Variants in ZBED1 observed in about 807,000 individuals in gnomAD.
The protein encoded by ZBED1 is E3 SUMO-protein ligase ZBED1.
In ZBED1, 19 loss-of-function variants were observed where a neutral mutation model predicts 49.7. The observed-to-expected ratio is 0.38, with a 90% CI of 0.27 to 0.56. The LOEUF is 0.56. ZBED1 is among the 20% of genes least tolerant of loss of function. ZBED1 has a pLI of 0.70. For synonymous variants in ZBED1, 439 were observed against 440.3 expected, an observed-to-expected ratio of 1.00 and a Z score of 0.04; for missense variants, 806 against 972.6, an observed-to-expected ratio of 0.83 and a Z score of 2.28.
chrX:2,500,301 C>A (rs748325705), intron 1 of ZBED1: 1 of 186,542 alleles, frequency 5.4e-6, no homozygotes, highest in East Asian at 1.3e-4. Context: ...AAGGGCCCAT[C>A]CTCACTTACC....
chrX:2,490,800 T>C, intron 1 of ZBED1, 28 bp from the exon 2 acceptor site: 1 of 1,541,912 alleles, frequency 6.5e-7, no homozygotes, highest in Non-Finnish European at 8.7e-7. Flanking sequence ...AAACACAGCA[T>C]GAGAAGGGAC....
chrX:2,488,667 A>G lies in ZBED1; in HGVS notation c.2053T>C (p.Phe685Leu). The G allele has an allele frequency of 1.2e-6, 2 of 1,610,830 alleles. No homozygotes were observed. The highest frequency in any genetic ancestry group is 1.1e-5 in the South Asian group (1 of 90,878). ...FSLGDGVSGG[F>L]FGIRDSSFL ...AAGCTGCTGTCCCTAATGCCAAAGAAACCGCCGCTGACGCCATCCCCCAAG... is the reference window on the plus strand; with the variant it reads ...AAGCTGCTGTCCCTAATGCCAAAGAGACCGCCGCTGACGCCATCCCCCAAG... The change falls in exon 2 of 2, where the codon TTC becomes CTC. Residue 685 changes from phenylalanine (F) to leucine (L), a missense_variant. Around this residue, in one of 2 missense-constraint regions of ZBED1, gnomAD observed 749 missense variants for 861.3 expected, o/e 0.87. Coordinates refer to ENST00000652001, the MANE Select transcript of ZBED1 (RefSeq NM_001171136.2).
At chrX:2,500,725 A>C in intron 1 of ZBED1, 92 bp downstream of exon 1, 1 of 360,602 alleles carries the variant, frequency 2.8e-6, no homozygotes, top group Non-Finnish European at 3.5e-6. Flanking sequence ...CCGCCTCGCC[A>C]AGGTCACGCG....
chrX:2,490,054 G>A lies in ZBED1; in HGVS notation c.666C>T (p.Ala222=), dbSNP rs1172052032. 1 of 1,613,804 alleles carries A rather than the reference G, an allele frequency of 6.2e-7. No individual in the cohort carries two copies. The highest frequency in any genetic ancestry group is 1.1e-5 in the South Asian group (1 of 91,070). ...GGGAGCCCATGGACAGGCAGTTGGG[G>A]GCGCCCAGGCCCAGGAAGTGGGCGG... is the stretch of plus-strand genomic sequence containing the variant. The part of the protein sequence containing the change: ...TLAAHFLGLG[A]PNCLSMGSRC... Residue 222 remains alanine (A), a synonymous_variant, in exon 2 of 2, where the codon GCC becomes GCT. Transcript: ENST00000652001.
At position 2,488,730 on chromosome X, in the gene ZBED1, C is replaced by T. The variant is rs753735373; in HGVS notation, c.1990G>A (p.Glu664Lys). ...TCCTGGTCCAGGCCCCACTCCCCCTCGTCCTGGTCCTCGGGTTCCGCCTCT... is the reference window on the plus strand; with the variant it reads ...TCCTGGTCCAGGCCCCACTCCCCCTTGTCCTGGTCCTCGGGTTCCGCCTCT... ...GAEAEPEDQD[E>K]GEWGLDQEQV... is the part of the protein sequence containing the mutation. Residue 664 changes from glutamate (E) to lysine (K), a missense_variant, in exon 2 of 2, where the codon GAG (glutamate) becomes AAG (lysine). Physicochemically the swap from Glu to Lys is moderately conservative, Grantham distance 56. This residue lies in a region of ZBED1 where 749 missense variants were observed against 861.3 expected (regional missense o/e 0.87). Coordinates refer to ENST00000652001, the MANE Select transcript of ZBED1 (RefSeq NM_001171136.2). 11 of 1,613,844 alleles carry T rather than the reference C, an allele frequency of 6.8e-6. No individual in the cohort carries two copies. Among genetic ancestry groups the T allele is most frequent in the East Asian group, 6.7e-5 (3 of 44,884 alleles).
In ZBED1 at chrX:2,487,446, C is replaced by A. The variant is rs1050166550; in HGVS notation, c.*1189G>T. The stretch of plus-strand genomic sequence containing the variant: ...GTGGCGTAGTCTTGGCTCACTGCAA[C>A]CTCCACCTCCTGGGCTCAAGCGAAT... On this transcript the variant is annotated 3_prime_UTR_variant, in exon 2 of 2. Coordinates refer to ENST00000652001, the MANE Select transcript of ZBED1 (RefSeq NM_001171136.2). The A allele has an allele frequency of 5.4e-4, 83 of 152,358 alleles. 1 individual carries two copies. The highest frequency in any genetic ancestry group is 1.8e-3 in the African/African-American group (75 of 41,574). The allele number at this position is 152,358 out of a possible 1,614,324, so 9.4% of individuals were successfully genotyped here.
At chrX:2,500,536 GGCGGGGAGGCCACACGC>G in intron 1 of ZBED1, 1 of 163,744 alleles carries the variant, frequency 6.1e-6, no homozygotes, top group East Asian at 1.7e-4. Flanking sequence ...ACCCGGGACA[GGCGGGGAGGCCACACGC>G]GCGGGGAGGG....
intron 1 of ZBED1, among the ~76,000 whole-genome samples, chrX:2,499,362 GCT>G (rs1240519866): frequency 2.6e-5 from 4 of 151,170 alleles, no homozygotes; most frequent in Non-Finnish European, 4.4e-5. Flanking sequence ...CCCTCTGAAC[GCT>G]CTGTTTTGGA....
Position 2,487,489 on chromosome X carries a change from C to G in ZBED1, c.*1146G>C, listed in dbSNP as rs2044973529. 6.6e-6 allele frequency: 1 copy of G among 152,232 alleles called. No homozygotes were observed. The highest frequency in any genetic ancestry group is 2.4e-5 in the African/African-American group (1 of 41,448). 9.4% of individuals were successfully genotyped at this position (152,232 alleles called of 1,614,324 possible). ...AAGCGAATCTTCCGCCTCAGCCTCC[C>G]GAGTAGCTGGGATTACAGGCGGGTG... On this transcript the variant is annotated 3_prime_UTR_variant, in exon 2 of 2. Transcript: ENST00000652001.
intron 1 of ZBED1, among the ~76,000 whole-genome samples, chrX:2,499,614 T>C (rs113794667): frequency 0.052 from 7,822 of 151,150 alleles, 300 homozygotes; most frequent in South Asian, 0.15. Flanking sequence ...CTACAAAAAA[T>C]TTAAAACATT....
At chrX:2,495,551 C>G (rs28448606) in intron 1 of ZBED1, among the ~76,000 whole-genome samples, 18,484 of 152,044 alleles carry the variant, frequency 0.12, 1,505 homozygotes, top group African/African-American at 0.22. Flanking sequence ...TGTCAGAATT[C>G]CATGGGATTC....
At chrX:2,493,332 A>ATAT (rs2045205350) in intron 1 of ZBED1, among the ~76,000 whole-genome samples, 1 of 152,046 alleles carries the variant, frequency 6.6e-6, no homozygotes, top group Non-Finnish European at 1.5e-5. Flanking sequence ...CATCATCATC[A>ATAT]TATTATTATT....
In ZBED1 at chrX:2,489,988, C is replaced by T. The variant is rs763824999; in HGVS notation, c.732G>A (p.Ala244=). Residue 244 remains alanine, a synonymous_variant, in exon 2 of 2, where the codon GCG becomes GCA. Coordinates refer to ENST00000652001, the MANE Select transcript of ZBED1 (RefSeq NM_001171136.2). Reference sequence around the variant, plus strand: ...CATAGAGCACTCGCGTGATGGTCTCCGCCGTGTTCTCTTCGGGCACCTCGA... The same window carrying T: ...CATAGAGCACTCGCGTGATGGTCTCTGCCGTGTTCTCTTCGGGCACCTCGA... The part of the protein sequence containing the change: ...KTFEVPEENT[A]ETITRVLYEV... 1.2e-5 allele frequency: 19 copies of T among 1,613,756 alleles called. No homozygotes were observed. Among genetic ancestry groups the T allele is most frequent in the Middle Eastern group, 1.6e-4 (1 of 6,068 alleles).
At chrX:2,491,506 A>AC (rs760013139) in intron 1 of ZBED1, among the ~76,000 whole-genome samples, 3 of 151,908 alleles carry the variant, frequency 2.0e-5, no homozygotes, top group Admixed American at 6.6e-5. Flanking sequence ...GGCCAGGCAG[A>AC]CCCCCCACTG....
At position 2,490,515 on chromosome X, in the gene ZBED1, TCTC is replaced by T; in HGVS notation, c.202_204del (p.Glu68del). The T allele has an allele frequency of 6.2e-7, 1 of 1,613,942 alleles. No individual in the cohort carries two copies. Among genetic ancestry groups the T allele is most frequent in the Non-Finnish European group, 8.5e-7 (1 of 1,179,860 alleles). On this transcript the variant is annotated inframe_deletion, in exon 2 of 2. Coordinates refer to ENST00000652001, the MANE Select transcript of ZBED1 (RefSeq NM_001171136.2). ...TCGCAGAATTCCTCGGGGTGGTTCT[TCTC>T]CAGGTGGTAGGACAGGTTGGAGGTG...
chrX:2,492,847 GT>G, intron 1 of ZBED1, among the ~76,000 whole-genome samples: 1 of 152,352 alleles, frequency 6.6e-6, no homozygotes, highest in East Asian at 1.9e-4. Context: ...ATAAGCTATG[GT>G]TTTAAGCCCT....
Position 2,497,751 on chromosome X carries a change from T to C in ZBED1, c.-54+3066A>G, listed in dbSNP as rs771477298. 6.2e-4 allele frequency among the ~76,000 whole-genome samples: 95 copies of C among 152,358 alleles called. 1 individual carries two copies. The South Asian group carries it at 0.016, about 26-fold the overall frequency. On this transcript the variant is annotated intron_variant, in intron 1 of 1. Transcript: ENST00000652001. ...AATTTTCTCTCCTTTGCAAAACTCA[T>C]TGATGTATCAGAGAAAATGTAATTT...
intron 1 of ZBED1, among the ~76,000 whole-genome samples, chrX:2,498,794 GGATAAACATAATCT>G: frequency 6.6e-6 from 1 of 152,044 alleles, no homozygotes; most frequent in African/African-American, 2.4e-5. Flanking sequence ...AAAACTGCCC[GGATAAACATAATCT>G]TCTGCGAGAC....
chrX:2,499,191 C>T (rs2045352088), intron 1 of ZBED1, among the ~76,000 whole-genome samples: 1 of 152,116 alleles, frequency 6.6e-6, no homozygotes, highest in Non-Finnish European at 1.5e-5. Flanking sequence ...AAGCGCTTCG[C>T]CTGGCTGACT....
Sources: allele counts gnomAD v4.1 joint callset (sites outside exome capture counted in the v4.1 genomes callset), GRCh38; gene constraint gnomAD v4.1.1; regional missense constraint gnomAD v4.1.1; transcripts MANE v1.5; gene names NCBI Gene and HGNC (gene_info 2026-07-23, HGNC 2026-07-21).